The following C10orf143 variants were observed in gnomAD, a reference collection of about 807,000 sequenced individuals.
C10orf143 encodes the protein uncharacterized protein C10orf143.
chr10:130,072,358 C>A (rs1337831903), intron 3 of C10orf143, among the ~76,000 whole-genome samples: 1 of 152,104 alleles, frequency 6.6e-6, no homozygotes, highest in Non-Finnish European at 1.5e-5. Flanking sequence ...CTCAAACATT[C>A]TCTAAAGTCC....
At chr10:130,107,582 G>C (rs765722058) in intron 1 of C10orf143, 19 of 1,347,570 alleles carry the variant, frequency 1.4e-5, no homozygotes, top group Non-Finnish European at 1.7e-5. Context: ...ATTTGGCAGA[G>C]AGCATTCCCC....
chr10:130,084,238 C>T (rs909731781), intron 1 of C10orf143, among the ~76,000 whole-genome samples: 7 of 152,008 alleles, frequency 4.6e-5, no homozygotes, highest in East Asian at 1.9e-4. Flanking sequence ...CACTTGAACA[C>T]GGGAGGTGGA....
intron 1 of C10orf143, 98 bp from the exon 2 acceptor site, chr10:130,079,999 C>T: frequency 2.5e-6 from 1 of 397,916 alleles, no homozygotes; most frequent in Non-Finnish European, 4.4e-6. Flanking sequence ...ATACAGACCC[C>T]TGTGGAGCTG....
intron 1 of C10orf143, among the ~76,000 whole-genome samples, chr10:130,081,232 CTT>C (rs1262579546): frequency 1.3e-5 from 2 of 150,588 alleles, no homozygotes; most frequent in African/African-American, 4.9e-5. Flanking sequence ...CAACCAAGGA[CTT>C]TTTTTTTAAT....
intron 1 of C10orf143, chr10:130,107,950 A>G: frequency 6.7e-7 from 1 of 1,485,820 alleles, no homozygotes; most frequent in Non-Finnish European, 9.4e-7. Context: ...TGTCTGGACC[A>G]GCAGAACTCA....
chr10:130,053,609 G>T (rs1178798880), intron 3 of C10orf143, among the ~76,000 whole-genome samples: 1 of 152,182 alleles, frequency 6.6e-6, no homozygotes, highest in Non-Finnish European at 1.5e-5. Context: ...TTGGGCGTGA[G>T]ACTCAAGGGG....
intron 1 of C10orf143, among the ~76,000 whole-genome samples, chr10:130,097,398 A>G (rs1356934494): frequency 6.6e-6 from 1 of 152,160 alleles, no homozygotes; most frequent in Non-Finnish European, 1.5e-5. Context: ...CAAAAAAAGT[A>G]AAAATAAAAA....
intron 1 of C10orf143, among the ~76,000 whole-genome samples, chr10:130,108,760 C>T (rs1861708662): frequency 6.6e-6 from 1 of 152,132 alleles, no homozygotes; most frequent in Non-Finnish European, 1.5e-5. Flanking sequence ...GTCTTTATGC[C>T]AACAACTGTA....
downstream of C10orf143, among the ~76,000 whole-genome samples, chr10:130,060,635 A>T (rs184488094): frequency 6.4e-4 from 97 of 150,526 alleles, no homozygotes; most frequent in Non-Finnish European, 1.0e-3. Flanking sequence ...CATCCTGGCT[A>T]ACACGGTGAA....
At chr10:130,097,266 G>A (rs1861477246) in intron 1 of C10orf143, among the ~76,000 whole-genome samples, 4 of 152,156 alleles carry the variant, frequency 2.6e-5, no homozygotes, top group African/African-American at 9.7e-5. Context: ...CAATACTACA[G>A]TGATGGCCAG....
Position 130,056,004 on chromosome 10 carries a change from T to G in C10orf143, c.298-20034A>C, listed in dbSNP as rs11017066. Among the ~76,000 whole-genome samples, 21,029 of 141,812 alleles carry G rather than the reference T, an allele frequency of 0.15. 1,598 individuals carry two copies. Among genetic ancestry groups the G allele is most frequent in the Middle Eastern group, 0.22 (59 of 266 alleles). The allele number at this position is 141,812 out of a possible 152,430, so 93.0% of individuals were successfully genotyped here. On this transcript the variant is annotated intron_variant and NMD_transcript_variant, in intron 3 of 5. Transcript: ENST00000643056. This position sits in a 1 kb window ranked among gnomAD's most constrained non-coding sequence, Gnocchi z 4.6. ...AGAAAGAAAAGAAAAATGGGCCTTA[T>G]CAGAAGAGTGATGAAATAGATCATT...
intron 1 of C10orf143, chr10:130,104,608 A>G (rs1861610205): frequency 6.6e-6 from 1 of 152,252 alleles, no homozygotes; most frequent in South Asian, 2.1e-4. Flanking sequence ...AATCTGGATT[A>G]TTAAATCAAA....
downstream of C10orf143, among the ~76,000 whole-genome samples, chr10:130,060,866 G>A (rs372056142): frequency 2.0e-4 from 29 of 146,896 alleles, no homozygotes; most frequent in South Asian, 4.4e-4. Context: ...GGCCGGGCGC[G>A]GTGGCTCACA....
At position 130,110,824 on chromosome 10, in the gene C10orf143, G is replaced by C; in HGVS notation, c.-52C>G. The C allele has an allele frequency of 1.8e-5, 7 of 398,804 alleles. No individual in the cohort carries two copies. Among genetic ancestry groups the C allele is most frequent in the Non-Finnish European group, 3.1e-5 (7 of 226,130 alleles). The allele number at this position is 398,804 out of a possible 1,614,324, so 24.7% of individuals were successfully genotyped here. On this transcript the variant is annotated 5_prime_UTR_variant, in exon 1 of 4. Transcript: ENST00000637128. ...CATCTCAGGCCTGGCCGAGGCCCGCGCACCACGCCCCCTTCCGCACAAGGC... is the reference window on the plus strand; with the variant it reads ...CATCTCAGGCCTGGCCGAGGCCCGCCCACCACGCCCCCTTCCGCACAAGGC...
intron 1 of C10orf143, among the ~76,000 whole-genome samples, chr10:130,105,256 A>T (rs1861621475): frequency 6.6e-6 from 1 of 152,178 alleles, no homozygotes; most frequent in Non-Finnish European, 1.5e-5. Flanking sequence ...CACAAATGCC[A>T]CATGGGAAGC....
At chr10:130,070,951 C>T (rs1375579598) in intron 3 of C10orf143, among the ~76,000 whole-genome samples, 1 of 151,866 alleles carries the variant, frequency 6.6e-6, no homozygotes, top group African/African-American at 2.4e-5. Flanking sequence ...AGTCTTGCTC[C>T]GTCACCCAGG....
intron 3 of C10orf143, among the ~76,000 whole-genome samples, chr10:130,075,182 T>G (rs1418969783): frequency 1.3e-5 from 2 of 152,124 alleles, no homozygotes; most frequent in African/African-American, 4.8e-5. Flanking sequence ...GGAAACACCA[T>G]GTTTTGCATG....
chr10:130,109,955 G>C (rs532707363), intron 1 of C10orf143, among the ~76,000 whole-genome samples: 3 of 152,132 alleles, frequency 2.0e-5, no homozygotes, highest in Non-Finnish European at 4.4e-5. Context: ...TTTGCAAGCA[G>C]AGGTGGAAGA....
intron 1 of C10orf143, among the ~76,000 whole-genome samples, chr10:130,098,505 CAAT>C (rs1861497661): frequency 1.3e-5 from 2 of 152,204 alleles, no homozygotes; most frequent in African/African-American, 4.8e-5. Flanking sequence ...AAAATACCAA[CAAT>C]TTTATGCATT....
Sources: gnomAD v4.1 joint callset for allele counts (sites outside exome capture counted in the v4.1 genomes callset) on GRCh38, gnomAD v4.1.1 for gene constraint, Gnocchi (gnomAD v3.1) non-coding constraint, MANE v1.5 for transcripts, NCBI Gene and HGNC (gene_info 2026-07-23, HGNC 2026-07-21) for gene names.